GSS: variants seen among roughly 807,000 people sequenced by gnomAD.
The protein encoded by GSS is glutathione synthetase, also known as GSH synthetase.
In GSS, 34 loss-of-function variants were observed where a neutral mutation model predicts 60.4. That is an observed-to-expected ratio of 0.56 (90% CI 0.43 to 0.75). The LOEUF is 0.75. GSS is among the 30% of genes least tolerant of loss of function. The pLI is 0.00. For synonymous variants in GSS, 224 were observed against 239.0 expected (o/e 0.94, Z 0.58); for missense variants, 499 against 595.1 (o/e 0.84, Z 1.68).
In GSS at chr20:34,941,782, A is replaced by G; in HGVS notation, c.539T>C (p.Leu180Pro). 6.2e-7 allele frequency: 1 copy of G among 1,611,770 alleles called. No individual in the cohort carries two copies. The highest frequency in any genetic ancestry group is 8.5e-7 in the Non-Finnish European group (1 of 1,179,330). Residue 180 changes from leucine (L) to proline (P), a missense_variant, in exon 6 of 13, where the codon CTC becomes CCC. Physicochemically the swap from Leu to Pro is moderately conservative, Grantham distance 98 (BLOSUM62 -3). Transcript: ENST00000651619. Reference sequence around the variant, plus strand: ...CAGTCCCTTGCTGGGATTATTAGAGAGGATCTTGCCAGCTTCTTTGGTCTT... The same window carrying G: ...CAGTCCCTTGCTGGGATTATTAGAGGGGATCTTGCCAGCTTCTTTGGTCTT... ...LSKTKEAGKI[L>P]SNNPSKGLAL...
chr20:34,943,722 T>A (rs551534173), intron 3 of GSS, among the ~76,000 whole-genome samples: 4 of 152,326 alleles, frequency 2.6e-5, no homozygotes, highest in African/African-American at 9.6e-5. Flanking sequence ...TGACTGCAGT[T>A]GCAATTTTAC....
In GSS at chr20:34,952,439, A is replaced by AT. The variant is rs113394651; in HGVS notation, c.-8-580dup. The AT allele has an allele frequency of 6.2e-3, 929 of 148,820 alleles. 10 individuals carry two copies. In the East Asian group the frequency reaches 0.066, roughly 11 times the overall value. The allele number at this position is 148,820 out of a possible 1,614,324, so 9.2% of individuals were successfully genotyped here. A position where few individuals can be genotyped will look rare whatever the true frequency, so the allele number is the denominator to read the frequency against. On this transcript the variant is annotated intron_variant, in intron 1 of 12. Coordinates refer to ENST00000651619, the MANE Select transcript of GSS (RefSeq NM_000178.4). ...TGGGAAGGAGGGGTTGAGGCTTTGT[A>AT]TTTTTTTTTTTTTGATATGGAGTCT... is the stretch of plus-strand genomic sequence containing the variant.
At position 34,945,961 on chromosome 20, in the gene GSS, A is replaced by G. The variant is rs1478943429; in HGVS notation, c.267T>C (p.Thr89=). The G allele has an allele frequency of 1.9e-6, 3 of 1,614,048 alleles. No homozygotes were observed. The South Asian group carries it at 3.3e-5, about 18-fold the overall frequency. The change falls in exon 3 of 13, where the codon ACT becomes ACC. Residue 89 remains threonine (T), a synonymous_variant. Transcript: ENST00000651619. ...VSQNAAFLEQ[T]LSSTIKQDDF... ...GCTTCACTGTCCCCTACCTGGAAAG[A>G]GTTTGCTCCAGGAAGGCAGCGTTCT... is the stretch of plus-strand genomic sequence containing the variant.
intron 6 of GSS, among the ~76,000 whole-genome samples, chr20:34,941,184 G>C (rs999626381): frequency 6.6e-6 from 1 of 152,036 alleles, no homozygotes; most frequent in East Asian, 1.9e-4. Flanking sequence ...GTGAAACCCC[G>C]TCTCTACTAA....
At chr20:34,937,049 A>G in intron 6 of GSS, 26 bp from the exon 7 acceptor site, 1 of 1,541,912 alleles carries the variant, frequency 6.5e-7, no homozygotes, top group African/African-American at 1.4e-5. Context: ...AGGTGGCCCG[A>G]GGCTACTATA....
chr20:34,951,931 C>T (rs950162816), intron 1 of GSS, 71 bp from the exon 2 acceptor site: 60 of 1,537,768 alleles, frequency 3.9e-5, no homozygotes, highest in Non-Finnish European at 4.6e-5. Flanking sequence ...AACTGGCTGG[C>T]GGCCACCCCC....
chr20:34,929,611 C>G (rs1444393363), intron 11 of GSS, 21 bp from the exon 12 acceptor site: 2 of 1,606,092 alleles, frequency 1.2e-6, no homozygotes, highest in Admixed American at 1.7e-5. Context: ...ACTGGCCAGT[C>G]ACCCTGGACC....
intron 3 of GSS, among the ~76,000 whole-genome samples, chr20:34,943,663 C>G (rs562718975): frequency 1.4e-4 from 22 of 152,244 alleles, no homozygotes; most frequent in African/African-American, 5.1e-4. Flanking sequence ...TGAGTCAGAT[C>G]CCCCTACTAT....
rs538101217 is a variant in GSS at position 34,942,968 on chromosome 20, T to A, written c.314A>T (p.Asp105Val). Residue 105 changes from aspartate to valine, a missense_variant, in exon 4 of 13, where the codon GAC becomes GTC. Physicochemically the swap from Asp to Val is radical, Grantham distance 152. Coordinates refer to ENST00000651619, the MANE Select transcript of GSS (RefSeq NM_000178.4). ...KQDDFTARLF[D>V]IHKQVLKEGI... ...CTCTTTTAGGACTTGCTTGTGGATG[T>A]CAAAGAGACGAGCGGTAAAGTCATC... is the stretch of plus-strand genomic sequence containing the variant. The A allele has an allele frequency of 6.2e-7, 1 of 1,612,244 alleles. No individual in the cohort carries two copies. Among genetic ancestry groups the A allele is most frequent in the South Asian group, 1.1e-5 (1 of 90,672 alleles).
intron 6 of GSS, among the ~76,000 whole-genome samples, chr20:34,940,754 C>A (rs1305358820): frequency 6.6e-6 from 1 of 152,184 alleles, no homozygotes; most frequent in Non-Finnish European, 1.5e-5. Context: ...ATAGCGGCCC[C>A]TCGATGATCT....
intron 6 of GSS, among the ~76,000 whole-genome samples, chr20:34,941,442 T>A (rs781200236): frequency 6.6e-6 from 1 of 152,080 alleles, no homozygotes; most frequent in Non-Finnish European, 1.5e-5. Flanking sequence ...CGTGCCTCTC[T>A]AACCCTAGGT....
chr20:34,950,923 TA>T (rs769971398), intron 2 of GSS, among the ~76,000 whole-genome samples: 20 of 152,246 alleles, frequency 1.3e-4, no homozygotes, highest in Non-Finnish European at 2.2e-4. Context: ...AAAAAGATTT[TA>T]TTTTTTTATT....
intron 10 of GSS, 142 bp downstream of exon 10, chr20:34,931,797 A>C (rs2081403328): frequency 1.3e-6 from 1 of 743,036 alleles, no homozygotes; most frequent in African/African-American, 1.7e-5. Flanking sequence ...TCAGAGTTCT[A>C]GGGGTTCTCC....
chr20:34,929,128 G>A (rs369555788), intron 12 of GSS, 177 bp from the exon 13 acceptor site: 7 of 779,440 alleles, frequency 9.0e-6, no homozygotes, highest in Admixed American at 2.1e-5. Context: ...CAAACCATGT[G>A]TTCTGAGTCC....
rs1171572146 is a variant in GSS, at chr20:34,945,973, G to A, written c.255C>T (p.Phe85=). ...CCTACCTGGAAAGAGTTTGCTCCAGGAAGGCAGCGTTCTGGCTGACAGCAT... is the reference window on the plus strand; with the variant it reads ...CCTACCTGGAAAGAGTTTGCTCCAGAAAGGCAGCGTTCTGGCTGACAGCAT... ...LVDAVSQNAA[F]LEQTLSSTIK... is the part of the protein sequence containing the mutation. The change falls in exon 3 of 13, where the codon TTC becomes TTT. Residue 85 remains phenylalanine, a synonymous_variant. Coordinates refer to ENST00000651619, the MANE Select transcript of GSS (RefSeq NM_000178.4). 6.2e-6 allele frequency: 10 copies of A among 1,614,050 alleles called. No individual in the cohort carries two copies. The East Asian group carries it at 2.2e-4, about 36-fold the overall frequency.
At chr20:34,937,986 T>C (rs1385536220) in intron 6 of GSS, among the ~76,000 whole-genome samples, 3 of 151,982 alleles carry the variant, frequency 2.0e-5, no homozygotes, top group African/African-American at 7.2e-5. Context: ...GCCTCCCGGG[T>C]AGCTGGGATT....
intron 2 of GSS, 45 bp from the exon 3 acceptor site, chr20:34,946,143 A>T: frequency 2.6e-6 from 4 of 1,536,122 alleles, no homozygotes; most frequent in Non-Finnish European, 3.6e-6. Flanking sequence ...GGCACCTGTG[A>T]ACGGGTTGTC....
At chr20:34,931,681 T>C (rs2081402763) in intron 10 of GSS, 2 of 622,098 alleles carry the variant, frequency 3.2e-6, no homozygotes, top group South Asian at 3.8e-5. Context: ...TCTTGCCACC[T>C]GCCTTAGTCC....
upstream of GSS, chr20:34,955,866 A>T (rs149045043): frequency 6.6e-6 from 1 of 152,460 alleles, no homozygotes; most frequent in Non-Finnish European, 1.5e-5. Flanking sequence ...GCAGAGACCC[A>T]TACCTTTGGC....
Sources: gnomAD v4.1 joint callset for allele counts (sites outside exome capture counted in the v4.1 genomes callset) on GRCh38, gnomAD v4.1.1 for gene constraint, MANE v1.5 for transcripts, NCBI Gene and HGNC (gene_info 2026-07-23, HGNC 2026-07-21) for gene names.